Variants in ZNF761 observed in about 807,000 individuals in gnomAD.
The protein encoded by ZNF761 is zinc finger protein 761.
ZNF761 carries 43 observed loss-of-function variants against 59.9 expected under a neutral mutation model. The observed-to-expected ratio is 0.72, with a 90% CI of 0.56 to 0.92. The LOEUF is 0.92. Ranked by LOEUF, ZNF761 falls within the 40% of genes least tolerant of loss-of-function variation. The pLI, the probability that ZNF761 is intolerant of heterozygous loss-of-function variation, is 0.00. For missense variants in ZNF761, 850 were observed against 906.1 expected (o/e 0.94, Z 0.79); for synonymous variants, 294 against 304.8 (o/e 0.96, Z 0.37).
chr19:53,436,639 G>A (rs2708798), intron 1 of ZNF761, among the ~76,000 whole-genome samples: 112,675 of 152,076 alleles, frequency 0.74, 42,155 homozygotes, highest in Non-Finnish European at 0.78. Context: ...TCTGTGTGTA[G>A]CTTCTATTTT....
intron 4 of ZNF761, among the ~76,000 whole-genome samples, chr19:53,452,367 C>A (rs544290080): frequency 6.6e-6 from 1 of 152,256 alleles, no homozygotes; most frequent in Admixed American, 6.5e-5. Flanking sequence ...GCTGTTATCC[C>A]AAGTACTCAC....
intron 1 of ZNF761, chr19:53,443,102 G>A (rs564567787): frequency 5.5e-6 from 1 of 182,690 alleles, no homozygotes; most frequent in African/African-American, 2.4e-5. Flanking sequence ...TTATTTATTG[G>A]AAAACTTCGG....
chr19:53,436,333 T>G (rs11084246), intron 1 of ZNF761, among the ~76,000 whole-genome samples: 7,767 of 152,312 alleles, frequency 0.051, 281 homozygotes, highest in African/African-American at 0.1. Flanking sequence ...CTTTCTTGTA[T>G]TCAGTTATGG....
Position 53,457,247 on chromosome 19 carries a change from T to C in ZNF761, c.*499T>C. On this transcript the variant is annotated 3_prime_UTR_variant, in exon 5 of 5. Coordinates refer to ENST00000684525, the MANE Select transcript of ZNF761 (RefSeq NM_001289951.2). ...ATAAGGAAGAGAGATCATACTAGGG[T>C]AATAAATGTGGCAGATTTTTCAGAC... The C allele has an allele frequency of 2.2e-6, 1 of 445,686 alleles. No individual in the cohort carries two copies. Among genetic ancestry groups the C allele is most frequent in the Non-Finnish European group, 4.5e-6 (1 of 223,006 alleles). 27.6% of individuals were successfully genotyped at this position (445,686 alleles called of 1,614,324 possible). A position where few individuals can be genotyped will look rare whatever the true frequency, so the allele number is the denominator to read the frequency against.
At chr19:53,451,178 G>A (rs2086218392) in intron 4 of ZNF761, among the ~76,000 whole-genome samples, 1 of 152,124 alleles carries the variant, frequency 6.6e-6, no homozygotes, top group African/African-American at 2.4e-5. Flanking sequence ...ACTTATAACA[G>A]TTTATGTGTC....
intron 1 of ZNF761, among the ~76,000 whole-genome samples, chr19:53,436,863 G>A (rs2086047708): frequency 6.6e-6 from 1 of 152,148 alleles, no homozygotes; most frequent in Non-Finnish European, 1.5e-5. Context: ...TCTGGCACGG[G>A]GCAGTTCGCT....
intron 1 of ZNF761, among the ~76,000 whole-genome samples, chr19:53,439,217 GC>G (rs1422943489): frequency 1.3e-5 from 2 of 149,976 alleles, no homozygotes; most frequent in African/African-American, 4.9e-5. Flanking sequence ...GTTGCAGTGA[GC>G]TGAGATCGTG....
chr19:53,454,495 T>G (rs1229209321), intron 4 of ZNF761, among the ~76,000 whole-genome samples, 155 bp from the exon 5 acceptor site: 1 of 152,214 alleles, frequency 6.6e-6, no homozygotes, highest in Non-Finnish European at 1.5e-5. Flanking sequence ...CGCCCTTTAT[T>G]TGTTAAAGAA....
chr19:53,443,062 G>A (rs1213845450), intron 1 of ZNF761: 2 of 233,556 alleles, frequency 8.6e-6, no homozygotes, highest in East Asian at 2.9e-4. Context: ...GTCCAGTTCA[G>A]ATCAAGGTCT....
At chr19:53,433,562 T>A (rs1320629669) in intron 1 of ZNF761, among the ~76,000 whole-genome samples, 1 of 152,180 alleles carries the variant, frequency 6.6e-6, no homozygotes, top group East Asian at 1.9e-4. Flanking sequence ...ATGTTTGTTT[T>A]TTAACTTTCT....
At chr19:53,434,815 A>T (rs77794687) in intron 1 of ZNF761, among the ~76,000 whole-genome samples, 1 of 152,320 alleles carries the variant, frequency 6.6e-6, no homozygotes, top group East Asian at 1.9e-4. Flanking sequence ...TCTACAAACA[A>T]CATGAGGAAA....
In ZNF761 at chr19:53,455,071, A is replaced by G; in HGVS notation, c.564A>G (p.Ile188Met). The change falls in exon 5 of 5, where the codon ATA becomes ATG. Residue 188 changes from isoleucine to methionine, a missense_variant. Ile to Met is a conservative substitution (Grantham distance 10). Coordinates refer to ENST00000684525, the MANE Select transcript of ZNF761 (RefSeq NM_001289951.2). Reference protein sequence around the residue: ...QRISCRPKTHISNNHGNNFWN... With the variant: ...QRISCRPKTHMSNNHGNNFWN... ...TTTCTTGTAGGCCCAAAACCCATAT[A>G]TCTAATAACCATGGGAATAATTTCT... 6.2e-7 allele frequency: 1 copy of G among 1,614,158 alleles called. No homozygotes were observed. The highest frequency in any genetic ancestry group is 1.1e-5 in the South Asian group (1 of 91,076).
At chr19:53,433,045 G>A (rs61672655) in intron 1 of ZNF761, among the ~76,000 whole-genome samples, 2 of 19,796 alleles carry the variant, frequency 1.0e-4, no homozygotes, top group Admixed American at 8.1e-4. Context: ...AGTGGGGACA[G>A]GGGGGTATAA....
intron 4 of ZNF761, among the ~76,000 whole-genome samples, chr19:53,452,209 G>A (rs999806317): frequency 2.2e-4 from 33 of 152,108 alleles, no homozygotes; most frequent in Non-Finnish European, 4.4e-4. Flanking sequence ...TTGGCCAGTT[G>A]TGGTGGCTCA....
chr19:53,454,599 T>A, intron 4 of ZNF761, 51 bp from the exon 5 acceptor site: 1 of 1,507,794 alleles, frequency 6.6e-7, no homozygotes, highest in East Asian at 2.3e-5. Context: ...ATTTCAGCAT[T>A]ATTTACCATC....
At chr19:53,446,659 C>T (rs1352414527) in intron 2 of ZNF761, among the ~76,000 whole-genome samples, 1 of 152,038 alleles carries the variant, frequency 6.6e-6, no homozygotes, top group East Asian at 1.9e-4. Flanking sequence ...AGACATAAGC[C>T]ACCAAGCCTG....
At chr19:53,432,969 T>C (rs1183594976) in intron 1 of ZNF761, among the ~76,000 whole-genome samples, 6 of 150,746 alleles carry the variant, frequency 4.0e-5, no homozygotes, top group Admixed American at 1.3e-4. Context: ...AGAGTGGTGC[T>C]GGTGGCAAGG....
chr19:53,434,412 C>T (rs1436339170), intron 1 of ZNF761, among the ~76,000 whole-genome samples: 5 of 152,120 alleles, frequency 3.3e-5, no homozygotes, highest in Non-Finnish European at 7.4e-5. Flanking sequence ...TTCCTGGCAA[C>T]TGTCGGTAGG....
intron 1 of ZNF761, among the ~76,000 whole-genome samples, chr19:53,437,122 T>A (rs1214929425): frequency 6.6e-6 from 1 of 151,948 alleles, no homozygotes; most frequent in Non-Finnish European, 1.5e-5. Flanking sequence ...TGAAGACCAG[T>A]CTGACCAACA....
Sources: allele counts gnomAD v4.1 joint callset (sites outside exome capture counted in the v4.1 genomes callset), GRCh38; gene constraint gnomAD v4.1.1; transcripts MANE v1.5; gene names NCBI Gene and HGNC (gene_info 2026-07-23, HGNC 2026-07-21).